The following DST variants were observed in gnomAD, a reference collection of about 807,000 sequenced individuals.
The protein encoded by DST is bullous pemphigoid antigen.
Under a neutral mutation model 875.2 loss-of-function variants are expected in DST, and 253 were observed. The observed-to-expected ratio is 0.29, with a 90% CI of 0.26 to 0.32. The LOEUF is 0.32. Among genes scored for constraint, DST ranks in the 10% least tolerant of loss-of-function variants. The probability of loss-of-function intolerance (pLI) is 1.00; values close to 1 mark genes in which losing one functional copy is unlikely to be tolerated. For missense variants in DST, 8,287 were observed against 9,111.6 expected (o/e 0.91, Z 3.68); for synonymous variants, 3,124 against 3,197.1 (o/e 0.98, Z 0.77).
intron 2 of DST, among the ~76,000 whole-genome samples, chr6:56,950,331 CTCTGGA>C (rs1240382382): frequency 1.3e-5 from 2 of 152,166 alleles, no homozygotes; most frequent in African/African-American, 4.8e-5. Context: ...CCACTATTCA[CTCTGGA>C]TATTCTCAAA....
intron 72 of DST, 112 bp from the exon 73 acceptor site, chr6:56,511,512 A>G (rs1441970087): frequency 3.8e-6 from 3 of 793,724 alleles, no homozygotes; most frequent in Non-Finnish European, 6.1e-6. Flanking sequence ...ACCCCTCCCC[A>G]TCACAAGGCA....
In DST at chr6:56,506,504, T is replaced by C; in HGVS notation, c.19403A>G (p.Asp6468Gly). ...TGCCTCCTCAAGTTTGTCAATCCGG[T>C]CTTTCCAAGCTTTATTTAGAGAATC... Reference protein sequence around the residue: ...AWDSLNKAWKDRIDKLEEAMQ... With the variant: ...AWDSLNKAWKGRIDKLEEAMQ... The change falls in exon 77 of 104, where the codon GAC becomes GGC. Residue 6468 changes from aspartate to glycine, a missense_variant. Asp to Gly is a moderately conservative substitution (Grantham distance 94). Transcript: ENST00000680361. The C allele has an allele frequency of 6.2e-7, 1 of 1,613,250 alleles. No homozygotes were observed. The highest frequency in any genetic ancestry group is 8.5e-7 in the Non-Finnish European group (1 of 1,179,528).
intron 4 of DST, among the ~76,000 whole-genome samples, chr6:56,775,119 G>C (rs939674734): frequency 3.3e-5 from 5 of 151,752 alleles, no homozygotes; most frequent in African/African-American, 1.2e-4. Context: ...GGGAATTTTA[G>C]TTACAAGAGT....
Position 56,630,234 on chromosome 6 carries a change from G to C in DST, c.4281+11C>G. The C allele has an allele frequency of 1.3e-6, 2 of 1,554,790 alleles. No individual in the cohort carries two copies. Among genetic ancestry groups the C allele is most frequent in the African/African-American group, 2.7e-5 (2 of 73,848 alleles). ...ACGATATTTAAAAATATCCAAAAGT[G>C]AGTCTCATACCTTTAAAGTACTTAT... On this transcript the variant is annotated intron_variant, in intron 31 of 103. Transcript: ENST00000680361.
In DST at chr6:56,557,534, T is replaced by A. The variant is rs1390205780; in HGVS notation, c.14441-16A>T. 5.7e-6 allele frequency: 9 copies of A among 1,582,690 alleles called. No homozygotes were observed. The highest frequency in any genetic ancestry group is 7.8e-6 in the Non-Finnish European group (9 of 1,160,260). ...CACTTAGAATCTAAAAGAAAAAAAA[T>A]GAAACTGGTGTTTGACATTTTTTGC... On this transcript the variant is annotated splice_polypyrimidine_tract_variant and intron_variant, in intron 58 of 103. Transcript: ENST00000680361.
chr6:56,566,289 C>T (rs2097676000), intron 55 of DST, among the ~76,000 whole-genome samples: 1 of 152,148 alleles, frequency 6.6e-6, no homozygotes, highest in Non-Finnish European at 1.5e-5. Flanking sequence ...CCCAAATGGC[C>T]ACCCAGTTTT....
intron 9 of DST, among the ~76,000 whole-genome samples, chr6:56,674,262 CCCAGACTA>C (rs1187841788): frequency 6.6e-6 from 1 of 152,026 alleles, no homozygotes; most frequent in Non-Finnish European, 1.5e-5. Context: ...AAATGAATGA[CCCAGACTA>C]CTCACATAAT....
intron 9 of DST, among the ~76,000 whole-genome samples, chr6:56,686,705 C>G (rs1321916674): frequency 3.9e-5 from 6 of 152,130 alleles, no homozygotes; most frequent in Non-Finnish European, 7.3e-5. Context: ...GCAGCCTGCT[C>G]TGGTTATACA....
At chr6:56,655,057 A>C (rs1490657597) in intron 10 of DST, among the ~76,000 whole-genome samples, 1 of 146,892 alleles carries the variant, frequency 6.8e-6, no homozygotes, top group Non-Finnish European at 1.5e-5. Context: ...GCTACTCGGG[A>C]GGGTGAGGCA....
intron 90 of DST, among the ~76,000 whole-genome samples, chr6:56,481,796 T>A (rs2095410541): frequency 6.6e-6 from 1 of 152,212 alleles, no homozygotes; most frequent in South Asian, 2.1e-4. Flanking sequence ...ATATGCTTCC[T>A]TGAGATAGGA....
At position 56,501,206 on chromosome 6, in the gene DST, C is replaced by A; in HGVS notation, c.19770G>T (p.Leu6590Phe). The change falls in exon 80 of 104, where the codon TTG (leucine) becomes TTT (phenylalanine). Residue 6590 changes from leucine (L) to phenylalanine (F), a missense_variant. By Grantham distance (22) the Leu-to-Phe change is conservative. Coordinates refer to ENST00000680361, the MANE Select transcript of DST (RefSeq NM_001374736.1). ...CATCCAGGGCATGTTGGAACTGACCCAAGGCTAATAGAGCACCCTCCAGTT... is the reference window on the plus strand; with the variant it reads ...CATCCAGGGCATGTTGGAACTGACCAAAGGCTAATAGAGCACCCTCCAGTT... ...QHKLEGALLALGQFQHALDEL... is the reference protein window; with the variant it reads ...QHKLEGALLAFGQFQHALDEL... 1.2e-6 allele frequency: 2 copies of A among 1,608,544 alleles called. No homozygotes were observed. The highest frequency in any genetic ancestry group is 2.2e-5 in the East Asian group (1 of 44,694).
At chr6:56,635,849 A>G in intron 23 of DST, 135 bp from the exon 24 acceptor site, 1 of 891,948 alleles carries the variant, frequency 1.1e-6, no homozygotes, top group Non-Finnish European at 1.8e-6. Context: ...ATAGCTTAAT[A>G]GTCACATCTT....
intron 69 of DST, among the ~76,000 whole-genome samples, chr6:56,521,601 G>GAAA (rs10547460): frequency 5.4e-5 from 5 of 92,048 alleles, no homozygotes; most frequent in Non-Finnish European, 8.5e-5. Flanking sequence ...CTCTGCTAAG[G>GAAA]AAAAAAAAAA....
rs1227515729 is a variant in DST, at chr6:56,714,196, GGAACT to G, written c.688-9832_688-9828del. ...TAAAACCACCCAAAATCATATCTGG[GGAACT>G]GATATGTTTGGAATGGAATTATAAA... On this transcript the variant is annotated intron_variant, in intron 5 of 103. Transcript: ENST00000680361. The surrounding 1 kb of genome is among the most constrained non-coding windows in gnomAD (Gnocchi z 4.5). Among the ~76,000 whole-genome samples, 1 of 152,024 alleles carries G rather than the reference GGAACT, an allele frequency of 6.6e-6. No homozygotes were observed. Among genetic ancestry groups the G allele is most frequent in the Non-Finnish European group, 1.5e-5 (1 of 68,018 alleles).
intron 4 of DST, among the ~76,000 whole-genome samples, chr6:56,850,487 G>T (rs538987932): frequency 2.0e-5 from 3 of 151,108 alleles, no homozygotes; most frequent in African/African-American, 7.3e-5. Context: ...AAGGAAGCCT[G>T]AACCACTGGA....
chr6:56,694,216 T>TTAAAAA (rs2099249752), intron 9 of DST, among the ~76,000 whole-genome samples: 5 of 138,458 alleles, frequency 3.6e-5, no homozygotes, highest in African/African-American at 2.6e-5. Flanking sequence ...ATAGATATGG[T>TTAAAAA]AAAAAAAAAA....
In DST at chr6:56,460,314, T is replaced by A. The variant is rs2094262808; in HGVS notation, c.23071-60A>T. ...TTGCTCCTGTACCATGATATTCCACTGACACCACTTCTTTACATATGGGTG... is the reference window on the plus strand; with the variant it reads ...TTGCTCCTGTACCATGATATTCCACAGACACCACTTCTTTACATATGGGTG... On this transcript the variant is annotated intron_variant, in intron 102 of 103. Transcript: ENST00000680361. The A allele has an allele frequency of 1.9e-6, 3 of 1,587,432 alleles. No homozygotes were observed. In the East Asian group the frequency reaches 6.7e-5, roughly 36 times the overall value.
chr6:56,689,751 T>C lies in DST; in HGVS notation c.1047+9902A>G, dbSNP rs376150801. Among the ~76,000 whole-genome samples, 21 of 152,320 alleles carry C rather than the reference T, an allele frequency of 1.4e-4. No individual in the cohort carries two copies. The East Asian group carries it at 2.3e-3, about 17-fold the overall frequency. ...CCAGGCATCTATCTGTTTTGAAATA[T>C]CTTCAGATGACTCTTACATGTATAT... On this transcript the variant is annotated intron_variant, in intron 9 of 103. Transcript: ENST00000680361.
chr6:56,941,518 T>C (rs1469749374), intron 2 of DST, among the ~76,000 whole-genome samples: 2 of 152,220 alleles, frequency 1.3e-5, no homozygotes, highest in Non-Finnish European at 1.5e-5. Context: ...GGTCTCACTC[T>C]GTCACCCAGG....
Sources: allele counts gnomAD v4.1 joint callset (sites outside exome capture counted in the v4.1 genomes callset), GRCh38; gene constraint gnomAD v4.1.1; non-coding constraint Gnocchi (gnomAD v3.1); transcripts MANE v1.5; gene names NCBI Gene and HGNC (gene_info 2026-07-23, HGNC 2026-07-21).